SACM1L: variants seen among roughly 807,000 people sequenced by gnomAD.
The protein encoded by SACM1L is SAC1 like phosphatidylinositide phosphatase, also known as phosphatidylinositol-3-phosphatase SAC1.
Under a neutral mutation model 89.5 loss-of-function variants are expected in SACM1L, and 32 were observed. That is an observed-to-expected ratio of 0.36 (90% confidence interval 0.27 to 0.48). SACM1L has a LOEUF of 0.48. Among genes scored for constraint, SACM1L ranks in the 20% least tolerant of loss-of-function variants. The probability of loss-of-function intolerance (pLI) is 0.99; values close to 1 mark genes in which losing one functional copy is unlikely to be tolerated. For missense variants in SACM1L, 543 were observed against 708.5 expected (o/e 0.77, Z 2.65); for synonymous variants, 213 against 232.8 (o/e 0.92, Z 0.77).
chr3:45,705,333 G>C, intron 3 of SACM1L, 124 bp downstream of exon 3: 1 of 495,228 alleles, frequency 2.0e-6, no homozygotes, highest in Non-Finnish European at 3.6e-6. Context: ...AAATCTCTTG[G>C]TTAAGTATTT....
intron 1 of SACM1L, among the ~76,000 whole-genome samples, chr3:45,702,310 A>T (rs1038838390): frequency 7.9e-5 from 12 of 152,228 alleles, no homozygotes; most frequent in African/African-American, 2.9e-4. Context: ...AATGATGTCC[A>T]TGATGGTTGT....
At chr3:45,701,507 G>C (rs1559537222) in intron 1 of SACM1L, among the ~76,000 whole-genome samples, 1 of 152,116 alleles carries the variant, frequency 6.6e-6, no homozygotes, top group Non-Finnish European at 1.5e-5. Flanking sequence ...GATACGGACT[G>C]AAATAGTGGG....
intron 1 of SACM1L, among the ~76,000 whole-genome samples, chr3:45,694,422 T>C (rs893708373): frequency 6.6e-6 from 1 of 152,208 alleles, no homozygotes; most frequent in African/African-American, 2.4e-5. Flanking sequence ...TAATGAACAT[T>C]CATATTATTC....
At chr3:45,696,377 A>G (rs1339572897) in intron 1 of SACM1L, among the ~76,000 whole-genome samples, 1 of 152,228 alleles carries the variant, frequency 6.6e-6, no homozygotes, top group Non-Finnish European at 1.5e-5. Flanking sequence ...TAATAGACAC[A>G]TAGGTGGCTT....
chr3:45,725,438 G>GT (rs893993365), intron 11 of SACM1L, among the ~76,000 whole-genome samples: 21 of 151,856 alleles, frequency 1.4e-4, no homozygotes, highest in African/African-American at 4.4e-4. Context: ...CCTGAATGGT[G>GT]TTTTTTTGTT....
In SACM1L at chr3:45,738,734, A is replaced by G. The variant is rs940450943; in HGVS notation, c.1477-47A>G. ...TTGTATCTTTGCATTGTTCATCACT[A>G]ATGTTATCTCACACTGAGTTTACGA... On this transcript the variant is annotated intron_variant, in intron 17 of 19. Transcript: ENST00000389061. 6.6e-6 allele frequency: 10 copies of G among 1,517,390 alleles called. No individual in the cohort carries two copies. The South Asian group carries it at 6.7e-5, about 10-fold the overall frequency. 94.0% of individuals were successfully genotyped at this position (1,517,390 alleles called of 1,614,324 possible).
At chr3:45,733,110 G>A (rs1317687432) in intron 13 of SACM1L, among the ~76,000 whole-genome samples, 1 of 152,172 alleles carries the variant, frequency 6.6e-6, no homozygotes, top group Non-Finnish European at 1.5e-5. Context: ...GTAGTTCCTT[G>A]GGTTCACCCA....
chr3:45,737,935 A>G, intron 16 of SACM1L, 91 bp downstream of exon 16: 1 of 966,454 alleles, frequency 1.0e-6, no homozygotes, highest in Non-Finnish European at 1.6e-6. Flanking sequence ...AGACAGCAGC[A>G]GCAACAACAG....
At chr3:45,722,169 C>CT in intron 9 of SACM1L, 84 bp downstream of exon 9, 1 of 821,354 alleles carries the variant, frequency 1.2e-6, no homozygotes, top group East Asian at 2.7e-5. Context: ...AAATTTCCCT[C>CT]TTTTCCCTTC....
chr3:45,723,093 T>G lies in SACM1L; in HGVS notation c.852+138T>G, dbSNP rs530760953. ...GGCTATTCTTCTTGGTTCCGGCACA[T>G]AGTAAACCCCTAAACCAAAAGGTGT... On this transcript the variant is annotated intron_variant, in intron 10 of 19. Transcript: ENST00000389061. 79 of 736,728 alleles carry G rather than the reference T, an allele frequency of 1.1e-4. No homozygotes were observed. In the African/African-American group the frequency reaches 1.3e-3, roughly 12 times the overall value. The allele number at this position is 736,728 out of a possible 1,614,324, so 45.6% of individuals were successfully genotyped here. A position where few individuals can be genotyped will look rare whatever the true frequency, so the allele number is the denominator to read the frequency against.
At chr3:45,715,632 G>A (rs1698635295) in intron 7 of SACM1L, among the ~76,000 whole-genome samples, 1 of 152,056 alleles carries the variant, frequency 6.6e-6, no homozygotes, top group Admixed American at 6.5e-5. Context: ...AAATTAGCTG[G>A]GCGTGGTGGC....
At chr3:45,714,818 A>T (rs2742386) in intron 7 of SACM1L, among the ~76,000 whole-genome samples, 5 of 151,996 alleles carry the variant, frequency 3.3e-5, no homozygotes, top group South Asian at 4.1e-4. Flanking sequence ...AAAGCAGCCA[A>T]GTGAGCTGGC....
At chr3:45,738,723 T>C (rs1173084033) in intron 17 of SACM1L, 52 bp downstream of exon 17, 35 of 1,512,380 alleles carry the variant, frequency 2.3e-5, no homozygotes, top group Non-Finnish European at 2.8e-5. Flanking sequence ...ATCTTTGCAT[T>C]GTTCATCACT....
chr3:45,729,073 G>GATGT (rs535882851), intron 11 of SACM1L, among the ~76,000 whole-genome samples: 18 of 151,166 alleles, frequency 1.2e-4, no homozygotes, highest in Non-Finnish European at 2.5e-4. Flanking sequence ...TACCTTTTTG[G>GATGT]ATTTATTTAT....
At chr3:45,713,230 T>TA (rs1411501847) in intron 6 of SACM1L, 34 bp downstream of exon 6, 2 of 1,541,894 alleles carry the variant, frequency 1.3e-6, no homozygotes, top group South Asian at 1.1e-5. Flanking sequence ...GCTTAATTGT[T>TA]ACAGTCCAAG....
intron 1 of SACM1L, among the ~76,000 whole-genome samples, chr3:45,694,878 T>C (rs1698086131): frequency 6.6e-6 from 1 of 152,186 alleles, no homozygotes; most frequent in Non-Finnish European, 1.5e-5. Context: ...GACCTAGTCC[T>C]GTGAAGAAGT....
chr3:45,727,392 T>G (rs1024401768), intron 11 of SACM1L, among the ~76,000 whole-genome samples: 1 of 152,186 alleles, frequency 6.6e-6, no homozygotes, highest in Non-Finnish European at 1.5e-5. Flanking sequence ...TGATTTGAAT[T>G]TTTAAAAATG....
intron 14 of SACM1L, 134 bp from the exon 15 acceptor site, chr3:45,737,449 T>C: frequency 1.1e-5 from 10 of 893,044 alleles, no homozygotes; most frequent in Non-Finnish European, 1.8e-5. Flanking sequence ...GGGCCCCCTA[T>C]AGACAACAGA....
At position 45,722,870 on chromosome 3, in the gene SACM1L, C is replaced by T; in HGVS notation, c.767C>T (p.Thr256Ile). The T allele has an allele frequency of 6.2e-7, 1 of 1,609,380 alleles. No homozygotes were observed. The highest frequency in any genetic ancestry group is 1.1e-5 in the South Asian group (1 of 90,880). ...YNGSKASFVQTRGSIPVFWSQ... is the reference protein window; with the variant it reads ...YNGSKASFVQIRGSIPVFWSQ... ...TCACATTTCTCTCTTTTCTTTTAGA[C>T]TCGAGGATCAATACCTGTTTTCTGG... The change falls in exon 10 of 20, where the codon ACT becomes ATT. Residue 256 changes from threonine to isoleucine, a missense_variant and splice_region_variant. Coordinates refer to ENST00000389061, the MANE Select transcript of SACM1L (RefSeq NM_014016.5).
Sources: allele counts gnomAD v4.1 joint callset (sites outside exome capture counted in the v4.1 genomes callset), GRCh38; gene constraint gnomAD v4.1.1; transcripts MANE v1.5; gene names NCBI Gene and HGNC (gene_info 2026-07-23, HGNC 2026-07-21).